The following LNX1 variants were observed in gnomAD, a reference collection of about 807,000 sequenced individuals.
LNX1 encodes E3 ubiquitin-protein ligase LNX.
A neutral mutation model predicts 68.4 loss-of-function variants in LNX1; 54 were observed. That is an observed-to-expected ratio of 0.79 (90% CI 0.63 to 0.99). The LOEUF is 0.99. LNX1 is among the 50% of genes least tolerant of loss of function. The pLI is 0.00. For synonymous variants in LNX1, 336 were observed against 350.0 expected, an observed-to-expected ratio of 0.96 and a Z score of 0.45; for missense variants, 906 against 926.4, an observed-to-expected ratio of 0.98 and a Z score of 0.29.
intron 1 of LNX1, among the ~76,000 whole-genome samples, chr4:53,649,629 T>C (rs992400387): frequency 6.6e-6 from 1 of 152,178 alleles, no homozygotes; most frequent in Admixed American, 6.6e-5. Context: ...CAGTATTTCA[T>C]CCTTCCTGCA....
intron 1 of LNX1, chr4:53,575,604 C>T: frequency 7.7e-7 from 1 of 1,296,150 alleles, no homozygotes; most frequent in Non-Finnish European, 9.8e-7. Flanking sequence ...AAGAATCCCA[C>T]CTTGGGACCA....
intron 1 of LNX1, among the ~76,000 whole-genome samples, chr4:53,635,784 T>A (rs1489990248): frequency 4.6e-5 from 7 of 152,174 alleles, no homozygotes; most frequent in African/African-American, 1.7e-4. Context: ...GCTTTTAATA[T>A]CAGAGAGACT....
At chr4:53,491,172 T>C (rs1178008111) in intron 6 of LNX1, among the ~76,000 whole-genome samples, 1 of 152,030 alleles carries the variant, frequency 6.6e-6, no homozygotes, top group African/African-American at 2.4e-5. Context: ...GCAAACATTA[T>C]CTCCAGGATG....
intron 2 of LNX1, among the ~76,000 whole-genome samples, chr4:53,532,570 G>A (rs2109623513): frequency 6.6e-6 from 1 of 152,316 alleles, no homozygotes; most frequent in South Asian, 2.1e-4. Flanking sequence ...CCTCTTGAAT[G>A]GAGCAGCTCA....
At chr4:53,515,796 C>T (rs575230949) in intron 2 of LNX1, among the ~76,000 whole-genome samples, 4 of 152,336 alleles carry the variant, frequency 2.6e-5, no homozygotes, top group Admixed American at 6.5e-5. Flanking sequence ...GCTTTCACTT[C>T]TAAAGAATCT....
At chr4:53,539,220 C>T (rs982229771) in intron 2 of LNX1, 1 of 152,240 alleles carries the variant, frequency 6.6e-6, no homozygotes, top group African/African-American at 2.4e-5. Flanking sequence ...CCATAAGGGC[C>T]CCCTGCCAAG....
chr4:53,591,019 T>C (rs1159269903), intron 1 of LNX1, among the ~76,000 whole-genome samples: 1 of 152,202 alleles, frequency 6.6e-6, no homozygotes, highest in Non-Finnish European at 1.5e-5. Flanking sequence ...ACTGGCCTCC[T>C]AGCCCCCGTT....
intron 2 of LNX1, chr4:53,557,890 A>C (rs759349994): frequency 6.2e-7 from 1 of 1,613,574 alleles, no homozygotes; most frequent in East Asian, 2.2e-5. Context: ...GAATACAGGA[A>C]GTGCAGGTTG....
intron 1 of LNX1, among the ~76,000 whole-genome samples, chr4:53,577,574 C>A (rs1283851546): frequency 6.6e-6 from 1 of 152,034 alleles, no homozygotes. Flanking sequence ...TCCAGCTCTG[C>A]CATTACTATT....
At chr4:53,544,520 G>A (rs1243635632) in intron 2 of LNX1, among the ~76,000 whole-genome samples, 1 of 152,168 alleles carries the variant, frequency 6.6e-6, no homozygotes, top group Non-Finnish European at 1.5e-5. Flanking sequence ...CTTTTGTGAT[G>A]TTAAAGGAAT....
exon 1 of LNX1, chr4:53,617,296 T>C (rs915525785): frequency 1.5e-4 from 23 of 152,178 alleles, no homozygotes; most frequent in African/African-American, 5.5e-4. Context: ...CTTTTCTTCT[T>C]CTCAGGGCAA....
intron 2 of LNX1, among the ~76,000 whole-genome samples, chr4:53,531,851 C>G (rs1728044866): frequency 6.6e-6 from 1 of 152,146 alleles, no homozygotes; most frequent in African/African-American, 2.4e-5. Flanking sequence ...TGTTGTTGCT[C>G]TTTGTTCTAT....
intron 2 of LNX1, among the ~76,000 whole-genome samples, chr4:53,571,952 C>T (rs1422182913): frequency 2.0e-5 from 3 of 152,148 alleles, no homozygotes; most frequent in Admixed American, 1.3e-4. Context: ...TGAGCCACTG[C>T]GCCCAGCAAT....
rs569050776 is a variant in LNX1, at chr4:53,481,646, G to A, written c.1485+74C>T. ...TAAAAAAGTCCAGAGATGACACTTA[G>A]ACATGTTAAAACAAGCAGCCTTCCC... On this transcript the variant is annotated intron_variant, in intron 7 of 10. Coordinates refer to ENST00000263925, the MANE Select transcript of LNX1 (RefSeq NM_001126328.3). 25 of 1,510,278 alleles carry A rather than the reference G, an allele frequency of 1.7e-5. No individual in the cohort carries two copies. In the African/African-American group the frequency reaches 2.5e-4, roughly 15 times the overall value. The allele number at this position is 1,510,278 out of a possible 1,614,324, so 93.6% of individuals were successfully genotyped here.
intron 2 of LNX1, among the ~76,000 whole-genome samples, chr4:53,607,349 A>G (rs1560692012): frequency 6.6e-6 from 1 of 152,216 alleles, no homozygotes; most frequent in African/African-American, 2.4e-5. Context: ...TTGAGAATGC[A>G]ATCTCATTCA....
Position 53,459,480 on chromosome 4 carries a change from A to G in LNX1, c.*1427T>C, listed in dbSNP as rs146451478. 4.2e-5 allele frequency: 67 copies of G among 1,612,980 alleles called. No homozygotes were observed. Among genetic ancestry groups the G allele is most frequent in the Middle Eastern group, 3.3e-4 (2 of 6,056 alleles). ...GTTTTGGCCTTTTGTGTATATTAGT[A>G]CCAGAAGTAGATACTATAAATCTTG... is the stretch of plus-strand genomic sequence containing the variant. On this transcript the variant is annotated 3_prime_UTR_variant, in exon 11 of 11. Transcript: ENST00000263925.
intron 9 of LNX1, among the ~76,000 whole-genome samples, chr4:53,465,630 G>A (rs1722621724): frequency 6.6e-6 from 1 of 152,182 alleles, no homozygotes; most frequent in African/African-American, 2.4e-5. Context: ...CCTTAGTTTT[G>A]TATGGTCCAG....
intron 2 of LNX1, among the ~76,000 whole-genome samples, chr4:53,564,690 C>T (rs1490609218): frequency 3.3e-5 from 5 of 151,964 alleles, no homozygotes; most frequent in Non-Finnish European, 4.4e-5. Flanking sequence ...CCAGCCTGAG[C>T]GACACAGAAG....
intron 2 of LNX1, among the ~76,000 whole-genome samples, chr4:53,565,406 A>T (rs1248000397): frequency 2.6e-5 from 4 of 151,730 alleles, no homozygotes; most frequent in African/African-American, 4.8e-5. Context: ...CTCACACTGC[A>T]GGGTACTCCA....
Sources: gnomAD v4.1 joint callset for allele counts (sites outside exome capture counted in the v4.1 genomes callset) on GRCh38, gnomAD v4.1.1 for gene constraint, MANE v1.5 for transcripts, NCBI Gene and HGNC (gene_info 2026-07-23, HGNC 2026-07-21) for gene names.